Variants in PIK3C3 observed in about 807,000 individuals in gnomAD.
PIK3C3 encodes PI3-kinase type 3.
PIK3C3 carries 95 observed loss-of-function variants against 126.1 expected under a neutral mutation model. The observed-to-expected ratio is 0.75, with a 90% confidence interval of 0.64 to 0.89. The LOEUF (loss-of-function observed/expected upper bound fraction) is 0.89. Among genes scored for constraint, PIK3C3 ranks in the 40% least tolerant of loss-of-function variants. The pLI is 0.00. For synonymous variants in PIK3C3, 374 were observed against 360.0 expected (o/e 1.04, Z -0.44); for missense variants, 829 against 1,063.2 (o/e 0.78, Z 3.06).
At chr18:42,025,932 C>G (rs1490244948) in intron 13 of PIK3C3, 1 of 152,106 alleles carries the variant, frequency 6.6e-6, no homozygotes, top group Non-Finnish European at 1.5e-5. Context: ...TAGTGGAGAA[C>G]AAGACAGGTA....
intron 10 of PIK3C3, among the ~76,000 whole-genome samples, chr18:42,008,080 G>A (rs1365802509): frequency 6.6e-6 from 1 of 151,938 alleles, no homozygotes; most frequent in East Asian, 1.9e-4. Context: ...TCAATCTACT[G>A]TAAGTATGCT....
chr18:42,021,992 G>A (rs901935762), intron 13 of PIK3C3, among the ~76,000 whole-genome samples: 5 of 152,090 alleles, frequency 3.3e-5, no homozygotes, highest in Admixed American at 6.5e-5. Flanking sequence ...TACAAAATAC[G>A]ATTTTGTTTT....
chr18:42,063,162 A>T (rs780970706), intron 22 of PIK3C3, among the ~76,000 whole-genome samples: 3 of 151,104 alleles, frequency 2.0e-5, no homozygotes, highest in South Asian at 4.2e-4. Context: ...CCTCTCTCTC[A>T]TTTTCCCATT....
At chr18:42,038,106 AT>A (rs980767470) in intron 17 of PIK3C3, among the ~76,000 whole-genome samples, 1 of 151,852 alleles carries the variant, frequency 6.6e-6, no homozygotes, top group Non-Finnish European at 1.5e-5. Flanking sequence ...AGTCTATTAA[AT>A]TTTTTTTAAA....
At chr18:41,988,675 T>C in intron 5 of PIK3C3, among the ~76,000 whole-genome samples, 1 of 152,172 alleles carries the variant, frequency 6.6e-6, no homozygotes, top group East Asian at 1.9e-4. Flanking sequence ...CAGTGAACTA[T>C]TACAAAAGTT....
intron 4 of PIK3C3, among the ~76,000 whole-genome samples, chr18:41,974,280 A>G (rs1000739578): frequency 2.0e-5 from 3 of 152,178 alleles, no homozygotes; most frequent in East Asian, 3.8e-4. Flanking sequence ...GTTGAATTCT[A>G]ATTACAGTAT....
chr18:42,057,559 C>G lies in PIK3C3; in HGVS notation c.2264-324C>G, dbSNP rs1221786933. The G allele has an allele frequency of 2.4e-5, 5 of 208,758 alleles. 2 individuals carry two copies. The South Asian group carries it at 4.4e-4, about 18-fold the overall frequency. The allele number at this position is 208,758 out of a possible 1,614,324, so 12.9% of individuals were successfully genotyped here. A position where few individuals can be genotyped will look rare whatever the true frequency, so the allele number is the denominator to read the frequency against. ...AAAATTTTCTACAAGATTCCACTTT[C>G]TGCTGATACCTTAAAAAGTTACCCA... is the stretch of plus-strand genomic sequence containing the variant. On this transcript the variant is annotated intron_variant, in intron 21 of 24. Coordinates refer to ENST00000262039, the MANE Select transcript of PIK3C3 (RefSeq NM_002647.4).
At chr18:41,998,627 C>T (rs1982139029) in intron 9 of PIK3C3, among the ~76,000 whole-genome samples, 1 of 152,126 alleles carries the variant, frequency 6.6e-6, no homozygotes. Flanking sequence ...TTTCATTTAA[C>T]TAGTTGATTT....
intron 19 of PIK3C3, among the ~76,000 whole-genome samples, chr18:42,043,114 T>G (rs948673529): frequency 2.0e-5 from 3 of 152,036 alleles, no homozygotes; most frequent in Non-Finnish European, 4.4e-5. Flanking sequence ...TTTTTTTTTT[T>G]TGTGAGACGG....
At chr18:41,984,569 T>C (rs554049481) in intron 4 of PIK3C3, among the ~76,000 whole-genome samples, 52 of 152,294 alleles carry the variant, frequency 3.4e-4, no homozygotes, top group Non-Finnish European at 6.6e-4. Context: ...TTTAGTGAGT[T>C]CGTTGGAGAG....
Position 42,085,499 on chromosome 18 carries a change from C to G in PIK3C3, c.*4362C>G, listed in dbSNP as rs145335483. On this transcript the variant is annotated 3_prime_UTR_variant, in exon 25 of 25. Transcript: ENST00000262039. Reference sequence around the variant, plus strand: ...ATACAGAAAAAGCTAATACTGATATCACACACTAATTGTGTATAAAACACT... The same window carrying G: ...ATACAGAAAAAGCTAATACTGATATGACACACTAATTGTGTATAAAACACT... 7 of 152,234 alleles carry G rather than the reference C, an allele frequency of 4.6e-5. No individual in the cohort carries two copies. The highest frequency in any genetic ancestry group is 1.7e-4 in the African/African-American group (7 of 41,528). 9.4% of individuals were successfully genotyped at this position (152,234 alleles called of 1,614,324 possible).
At chr18:42,066,716 G>A (rs374127566) in intron 23 of PIK3C3, among the ~76,000 whole-genome samples, 1 of 151,978 alleles carries the variant, frequency 6.6e-6, no homozygotes, top group African/African-American at 2.4e-5. Flanking sequence ...TAAAATATAC[G>A]CACATAAATA....
chr18:42,071,463 T>G (rs1985769052), intron 24 of PIK3C3, among the ~76,000 whole-genome samples: 1 of 152,186 alleles, frequency 6.6e-6, no homozygotes, highest in Non-Finnish European at 1.5e-5. Flanking sequence ...CTCATGCCTG[T>G]AATCCCAGCA....
intron 10 of PIK3C3, among the ~76,000 whole-genome samples, chr18:42,009,773 A>T (rs1018159046): frequency 1.3e-5 from 2 of 151,840 alleles, no homozygotes; most frequent in African/African-American, 4.8e-5. Flanking sequence ...TGCTTACATA[A>T]TGTAAGCATT....
At chr18:42,032,535 A>C (rs1716825919) in intron 15 of PIK3C3, among the ~76,000 whole-genome samples, 1 of 152,174 alleles carries the variant, frequency 6.6e-6, no homozygotes, top group South Asian at 2.1e-4. Context: ...ATGAGAAATC[A>C]TGGTGGCTGG....
chr18:42,076,070 C>T (rs1985960314), intron 24 of PIK3C3, among the ~76,000 whole-genome samples: 1 of 135,444 alleles, frequency 7.4e-6, no homozygotes, highest in African/African-American at 2.8e-5. Flanking sequence ...TCTCCATCAG[C>T]ACTGGCTGCT....
chr18:41,972,327 T>G (rs1598855715), intron 4 of PIK3C3, among the ~76,000 whole-genome samples: 1 of 152,122 alleles, frequency 6.6e-6, no homozygotes, highest in Admixed American at 6.6e-5. Flanking sequence ...TTTTTGTTAA[T>G]TGGTAGCAAT....
At chr18:41,987,118 AG>A (rs60674235) in intron 4 of PIK3C3, among the ~76,000 whole-genome samples, 34,236 of 151,810 alleles carry the variant, frequency 0.23, 4,309 homozygotes, top group South Asian at 0.39. Context: ...AAGGAATGAG[AG>A]GGGTGTTGAT....
At chr18:41,980,155 C>T (rs1359375399) in intron 4 of PIK3C3, among the ~76,000 whole-genome samples, 1 of 152,068 alleles carries the variant, frequency 6.6e-6, no homozygotes, top group African/African-American at 2.4e-5. Flanking sequence ...GAATTTAACA[C>T]TTAAGTTCCT....
Sources: gnomAD v4.1 joint callset for allele counts (sites outside exome capture counted in the v4.1 genomes callset) on GRCh38, gnomAD v4.1.1 for gene constraint, MANE v1.5 for transcripts, NCBI Gene and HGNC (gene_info 2026-07-23, HGNC 2026-07-21) for gene names.